TLL1: variants seen among roughly 807,000 people sequenced by gnomAD.
TLL1 encodes the protein tolloid-like protein 1.
TLL1 carries 49 observed loss-of-function variants against 128.2 expected under a neutral mutation model. That is an observed-to-expected ratio of 0.38 (90% CI 0.30 to 0.48). TLL1 has a LOEUF of 0.48. Ranked by LOEUF, TLL1 falls within the 20% of genes least tolerant of loss-of-function variation. TLL1 has a pLI of 0.96. For synonymous variants in TLL1, 454 were observed against 418.8 expected, an observed-to-expected ratio of 1.08 and a Z score of -1.03; for missense variants, 1,123 against 1,242.0, an observed-to-expected ratio of 0.90 and a Z score of 1.44.
intron 12 of TLL1, among the ~76,000 whole-genome samples, chr4:166,052,573 G>C (rs982773456): frequency 9.2e-5 from 14 of 152,122 alleles, no homozygotes; most frequent in African/African-American, 3.1e-4. Flanking sequence ...GGGATTACAG[G>C]TGTGAGCCAC....
chr4:165,930,746 A>G (rs1244641282), intron 1 of TLL1, among the ~76,000 whole-genome samples: 3 of 152,222 alleles, frequency 2.0e-5, no homozygotes, highest in Non-Finnish European at 1.5e-5. Context: ...AAAAGTGATA[A>G]CAAATACGTT....
At chr4:165,996,583 A>T (rs1368774396) in intron 5 of TLL1, among the ~76,000 whole-genome samples, 1 of 147,810 alleles carries the variant, frequency 6.8e-6, no homozygotes, top group African/African-American at 2.5e-5. Context: ...TGTGCAACAG[A>T]GGAAGACTCC....
At chr4:165,927,653 T>A (rs1315330456) in intron 1 of TLL1, among the ~76,000 whole-genome samples, 2 of 152,148 alleles carry the variant, frequency 1.3e-5, no homozygotes, top group South Asian at 2.1e-4. Flanking sequence ...GGGCGGTTAT[T>A]CCCAACCAGG....
At chr4:166,003,661 A>G (rs1034989806) in intron 6 of TLL1, 92 bp downstream of exon 6, 2 of 1,324,774 alleles carry the variant, frequency 1.5e-6, no homozygotes, top group African/African-American at 1.5e-5. Flanking sequence ...CCAAAAATGT[A>G]AACTGATATT....
intron 1 of TLL1, among the ~76,000 whole-genome samples, chr4:165,967,698 G>A (rs190268560): frequency 7.2e-4 from 110 of 152,288 alleles, no homozygotes; most frequent in African/African-American, 2.6e-3. Context: ...GGTGGTGAGA[G>A]CATGATGGGA....
chr4:166,099,366 G>A lies in TLL1; in HGVS notation c.2746G>A (p.Asp916Asn), dbSNP rs1742177816. The change falls in exon 20 of 21, where the codon GAC becomes AAC. Residue 916 changes from aspartate (D) to asparagine (N), a missense_variant. Coordinates refer to ENST00000061240, the MANE Select transcript of TLL1 (RefSeq NM_012464.5). ...FGDNNYPGQV[D>N]CEWLLVSERG... is the part of the protein sequence containing the mutation. ...TGATAACAACTACCCAGGACAGGTT[G>A]ACTGTGAATGGCTATTAGTATCAGA... 1 of 1,613,608 alleles carries A rather than the reference G, an allele frequency of 6.2e-7. No homozygotes were observed. The highest frequency in any genetic ancestry group is 8.5e-7 in the Non-Finnish European group (1 of 1,179,674).
At chr4:166,030,986 CG>C in intron 9 of TLL1, 1 of 962,402 alleles carries the variant, frequency 1.0e-6, no homozygotes, top group Non-Finnish European at 1.2e-6. Context: ...TTTTAATGTA[CG>C]ATTTTGCACA....
In TLL1 at chr4:166,017,288, G is replaced by A. The variant is rs75823417; in HGVS notation, c.1042+2728G>A. On this transcript the variant is annotated intron_variant, in intron 8 of 20. Transcript: ENST00000061240. The stretch of plus-strand genomic sequence containing the variant: ...ATGATTTCATTCCTTTTATAGCTGC[G>A]TAGTATTTCATGGTATGTATGTATC... Among the ~76,000 whole-genome samples, 535 of 152,144 alleles carry A rather than the reference G, an allele frequency of 3.5e-3. 17 individuals carry two copies. In the East Asian group the frequency reaches 0.07, roughly 20 times the overall value.
intron 1 of TLL1, among the ~76,000 whole-genome samples, chr4:165,875,872 T>G (rs368188505): frequency 6.6e-6 from 1 of 152,120 alleles, no homozygotes; most frequent in Admixed American, 6.5e-5. Context: ...CAGACATTAG[T>G]GTTTAGTTTC....
chr4:166,076,867 A>G (rs28626125), intron 17 of TLL1, among the ~76,000 whole-genome samples: 55 of 152,268 alleles, frequency 3.6e-4, no homozygotes, highest in African/African-American at 1.2e-3. Context: ...AACCTAGCAC[A>G]ATTAAGGTGA....
chr4:166,041,514 T>C (rs1054806638), intron 10 of TLL1, among the ~76,000 whole-genome samples: 2 of 152,054 alleles, frequency 1.3e-5, no homozygotes, highest in Non-Finnish European at 2.9e-5. Context: ...TTGTCCAAGA[T>C]GGTCTCGATT....
At chr4:165,885,732 A>T (rs1282178183) in intron 1 of TLL1, among the ~76,000 whole-genome samples, 1 of 152,176 alleles carries the variant, frequency 6.6e-6, no homozygotes, top group Non-Finnish European at 1.5e-5. Flanking sequence ...CACAGGAAAA[A>T]AATGGATTGG....
At chr4:165,974,343 T>TAGAAC in intron 1 of TLL1, among the ~76,000 whole-genome samples, 1 of 145,546 alleles carries the variant, frequency 6.9e-6, no homozygotes, top group African/African-American at 2.8e-5. Context: ...GGTTTCACCG[T>TAGAAC]TTTAGCCGGG....
chr4:166,088,194 GAAACT>G (rs1305548972), intron 18 of TLL1, among the ~76,000 whole-genome samples: 3 of 152,078 alleles, frequency 2.0e-5, no homozygotes, highest in Non-Finnish European at 4.4e-5. Context: ...GACTTTTCGG[GAAACT>G]AAGTGTCTTC....
At chr4:165,971,523 G>A (rs917169328) in intron 1 of TLL1, among the ~76,000 whole-genome samples, 12 of 152,102 alleles carry the variant, frequency 7.9e-5, no homozygotes, top group Admixed American at 2.6e-4. Flanking sequence ...ATCCCAAAGT[G>A]CCCAGCATTA....
At chr4:166,017,517 G>T (rs1413285259) in intron 8 of TLL1, among the ~76,000 whole-genome samples, 1 of 152,140 alleles carries the variant, frequency 6.6e-6, no homozygotes, top group Non-Finnish European at 1.5e-5. Flanking sequence ...TCTCCAAACT[G>T]CTTTCCTCAA....
intron 1 of TLL1, among the ~76,000 whole-genome samples, chr4:165,933,757 C>G (rs1240454506): frequency 6.6e-6 from 1 of 152,106 alleles, no homozygotes; most frequent in East Asian, 1.9e-4. Flanking sequence ...GCTCCACAGA[C>G]ACTTCCCTCC....
At chr4:165,915,558 C>T (rs993193979) in intron 1 of TLL1, among the ~76,000 whole-genome samples, 1 of 152,128 alleles carries the variant, frequency 6.6e-6, no homozygotes, top group African/African-American at 2.4e-5. Flanking sequence ...TTTAGTCACC[C>T]CTCCCTCAGT....
chr4:165,936,647 A>G (rs1393303229), intron 1 of TLL1, among the ~76,000 whole-genome samples: 1 of 152,094 alleles, frequency 6.6e-6, no homozygotes, highest in Non-Finnish European at 1.5e-5. Flanking sequence ...AATGAAATGT[A>G]GAGATCTGCC....
Sources: allele counts gnomAD v4.1 joint callset (sites outside exome capture counted in the v4.1 genomes callset), GRCh38; gene constraint gnomAD v4.1.1; transcripts MANE v1.5; gene names NCBI Gene and HGNC (gene_info 2026-07-23, HGNC 2026-07-21).